MAGEE1: variants seen among roughly 807,000 people sequenced by gnomAD.
The protein encoded by MAGEE1 is MAGE family member E1, also known as melanoma-associated antigen E1.
Under a neutral mutation model 12.0 loss-of-function variants are expected in MAGEE1, and 3 were observed. The observed-to-expected ratio is 0.25, with a 90% CI of 0.11 to 0.65. MAGEE1 has a LOEUF of 0.65. MAGEE1 is among the 30% of genes least tolerant of loss of function. The pLI is 0.84. For synonymous variants in MAGEE1, 414 were observed against 326.1 expected, an observed-to-expected ratio of 1.27 and a Z score of -2.91; for missense variants, 729 against 772.2, an observed-to-expected ratio of 0.94 and a Z score of 0.66.
Position 76,430,432 on chromosome X carries a change from C to A in MAGEE1, c.2502C>A (p.Gly834=). ...TCGTAGACAGTCCAAACAGGCCTGG[C>A]AACAACTTTTTGATGCAGGTCCTAA... ...EEIVDSPNRP[G]NNFLMQVLSF... The change falls in exon 1 of 1, where the codon GGC becomes GGA. Residue 834 remains glycine, a synonymous_variant. Transcript: ENST00000361470. The A allele has an allele frequency of 8.3e-7, 1 of 1,211,104 alleles. No individual in the cohort carries two copies. The highest frequency in any genetic ancestry group is 1.1e-6 in the Non-Finnish European group (1 of 895,303).
Position 76,431,148 on chromosome X carries a change from GA to G in MAGEE1, c.*351del, listed in dbSNP as rs782521981. On this transcript the variant is annotated 3_prime_UTR_variant, in exon 1 of 1. Coordinates refer to ENST00000361470, the MANE Select transcript of MAGEE1 (RefSeq NM_020932.3). ...GATATAGGCTTTTCCTTGAAAGCTT[GA>G]AAAAAATTCGCCAGTAAAATAATCT... 2.8e-3 allele frequency: 485 copies of G among 170,176 alleles called. 1 individual carries two copies. Among genetic ancestry groups the G allele is most frequent in the Non-Finnish European group, 4.0e-3 (335 of 84,771 alleles). 14.0% of individuals were successfully genotyped at this position (170,176 alleles called of 1,213,427 possible).
At position 76,427,989 on chromosome X, in the gene MAGEE1, C is replaced by A. The variant is rs782197127; in HGVS notation, c.59C>A (p.Ala20Glu). 8.8e-5 allele frequency: 106 copies of A among 1,205,510 alleles called. No homozygotes were observed. Among genetic ancestry groups the A allele is most frequent in the Non-Finnish European group, 1.1e-4 (100 of 893,348 alleles). The change falls in exon 1 of 1, where the codon GCG (alanine) becomes GAG (glutamate). Residue 20 changes from alanine to glutamate, a missense_variant. Around this residue, in one of 4 missense-constraint regions of MAGEE1, gnomAD observed 473 missense variants for 423.7 expected, o/e 1.12. Coordinates refer to ENST00000361470, the MANE Select transcript of MAGEE1 (RefSeq NM_020932.3). Reference protein sequence around the residue: ...RRRRRVAKATAHNSSWGEMQA... With the variant: ...RRRRRVAKATEHNSSWGEMQA... ...CGCCGCCGCGTTGCAAAGGCTACTGCGCACAACAGCAGCTGGGGCGAAATG... is the reference window on the plus strand; with the variant it reads ...CGCCGCCGCGTTGCAAAGGCTACTGAGCACAACAGCAGCTGGGGCGAAATG...
rs1160378976 is a variant in MAGEE1 at position 76,428,627 on chromosome X, A to G, written c.697A>G (p.Ser233Gly). 42 of 1,204,999 alleles carry G rather than the reference A, an allele frequency of 3.5e-5. No homozygotes were observed. Among genetic ancestry groups the G allele is most frequent in the Non-Finnish European group, 4.7e-5 (42 of 893,586 alleles). Residue 233 changes from serine (S) to glycine (G), a missense_variant, in exon 1 of 1, where the codon AGC becomes GGC. By Grantham distance (56) the Ser-to-Gly change is moderately conservative. Coordinates refer to ENST00000361470, the MANE Select transcript of MAGEE1 (RefSeq NM_020932.3). ...SVQATPDEGPSTSVPPTATEG... is the reference protein window; with the variant it reads ...SVQATPDEGPGTSVPPTATEG... ...GCAGGCCACTCCTGATGAGGGACCG[A>G]GCACCTCCGTGCCGCCCACCGCCAC...
rs1457153754 is a variant in MAGEE1 at position 76,428,456 on chromosome X, G to A, written c.526G>A (p.Val176Met). Residue 176 changes from valine to methionine, a missense_variant, in exon 1 of 1, where the codon GTG (valine) becomes ATG (methionine). By Grantham distance (21) the Val-to-Met change is conservative (BLOSUM62 1). Around this residue, in one of 4 missense-constraint regions of MAGEE1, gnomAD observed 473 missense variants for 423.7 expected, o/e 1.12. Coordinates refer to ENST00000361470, the MANE Select transcript of MAGEE1 (RefSeq NM_020932.3). ...CCCTGGTGAGGGAACGAGCACCTCC[G>A]TGCCGCCCACAGCCTATGAGGGACC... Reference protein sequence around the residue: ...PTPGEGTSTSVPPTAYEGPST... With the variant: ...PTPGEGTSTSMPPTAYEGPST... 3 of 1,209,637 alleles carry A rather than the reference G, an allele frequency of 2.5e-6. No individual in the cohort carries two copies. The highest frequency in any genetic ancestry group is 3.5e-5 in the African/African-American group (2 of 57,292).
At position 76,427,746 on chromosome X, in the gene MAGEE1, C is replaced by T; in HGVS notation, c.-185C>T. 4.1e-6 allele frequency: 2 copies of T among 491,109 alleles called. No homozygotes were observed. The highest frequency in any genetic ancestry group is 3.5e-5 in the East Asian group (1 of 28,297). 40.5% of individuals were successfully genotyped at this position (491,109 alleles called of 1,213,427 possible). A position where few individuals can be genotyped will look rare whatever the true frequency, so the allele number is the denominator to read the frequency against. On this transcript the variant is annotated 5_prime_UTR_variant, in exon 1 of 1. Transcript: ENST00000361470. ...AGCATTCACTGCTGGCCAGTGCCTG[C>T]CTTTTTCACCACCTCTAATTTCAGC... is the stretch of plus-strand genomic sequence containing the variant.
In MAGEE1 at chrX:76,429,864, A is replaced by G. The variant is rs1223847254; in HGVS notation, c.1934A>G (p.Asp645Gly). 12 of 1,209,830 alleles carry G rather than the reference A, an allele frequency of 9.9e-6. No individual in the cohort carries two copies. Among genetic ancestry groups the G allele is most frequent in the Non-Finnish European group, 1.3e-5 (12 of 895,191 alleles). ...QRYLDYRPVT[D>G]CKPVEYEFFW... The stretch of plus-strand genomic sequence containing the variant: ...TACTTAGACTACAGGCCAGTAACTG[A>G]CTGTAAACCAGTGGAGTATGAGTTT... Residue 645 changes from aspartate (D) to glycine (G), a missense_variant, in exon 1 of 1, where the codon GAC (aspartate) becomes GGC (glycine). Coordinates refer to ENST00000361470, the MANE Select transcript of MAGEE1 (RefSeq NM_020932.3).
rs374268239 is a variant in MAGEE1 at position 76,429,587 on chromosome X, C to A, written c.1657C>A (p.Pro553Thr). The A allele has an allele frequency of 1.7e-6, 2 of 1,209,229 alleles. No homozygotes were observed. Among genetic ancestry groups the A allele is most frequent in the African/African-American group, 3.5e-5 (2 of 56,938 alleles). ...IFRFELRELD[P>T]EAHTYILLNK... is the part of the protein sequence containing the mutation. ...TAGGTTTGAATTGAGAGAACTTGAC[C>A]CTGAGGCACACACCTACATTCTGTT... The change falls in exon 1 of 1, where the codon CCT becomes ACT. Residue 553 changes from proline (P) to threonine (T), a missense_variant. This residue lies in a region of MAGEE1 where 91 missense variants were observed against 133.8 expected (regional missense o/e 0.68). Transcript: ENST00000361470.
Position 76,428,668 on chromosome X carries a change from C to T in MAGEE1, c.738C>T (p.Thr246=). The change falls in exon 1 of 1, where the codon ACC becomes ACT. Residue 246 remains threonine, a synonymous_variant. Transcript: ENST00000361470. The stretch of plus-strand genomic sequence containing the variant: ...CCACCGCCACTGAGGGCCTAAGCAC[C>T]CCCGTGCCACCCACCCGTGATGAGG... ...VPPTATEGLS[T]PVPPTRDEGP... 8.3e-7 allele frequency: 1 copy of T among 1,208,510 alleles called. No individual in the cohort carries two copies. Among genetic ancestry groups the T allele is most frequent in the Non-Finnish European group, 1.1e-6 (1 of 893,930 alleles).
rs782552017 is a variant in MAGEE1, at chrX:76,429,980, C to T, written c.2050C>T (p.Pro684Ser). Reference sequence around the variant, plus strand: ...ATATAACAAAGATCCTATGGATTGGCCAGAGAAATACAACGAAGCTCTGGA... The same window carrying T: ...ATATAACAAAGATCCTATGGATTGGTCAGAGAAATACAACGAAGCTCTGGA... ...KIYNKDPMDW[P>S]EKYNEALEED... is the part of the protein sequence containing the mutation. The change falls in exon 1 of 1, where the codon CCA becomes TCA. Residue 684 changes from proline (P) to serine (S), a missense_variant. Physicochemically the swap from Pro to Ser is moderately conservative, Grantham distance 74. Coordinates refer to ENST00000361470, the MANE Select transcript of MAGEE1 (RefSeq NM_020932.3). 2 of 1,210,445 alleles carry T rather than the reference C, an allele frequency of 1.7e-6. No homozygotes were observed. The highest frequency in any genetic ancestry group is 1.8e-5 in the South Asian group (1 of 56,752).
In MAGEE1 at chrX:76,429,349, T is replaced by A. The variant is rs782208442; in HGVS notation, c.1419T>A (p.Ile473=). ...RDCESPNSIS[I]MGLNTSRVAI... is the part of the protein sequence containing the mutation. ...GTGAGAGCCCCAACTCCATTAGTAT[T>A]ATGGGCCTCAATACTTCCCGGGTTG... is the stretch of plus-strand genomic sequence containing the variant. The change falls in exon 1 of 1, where the codon ATT becomes ATA. Residue 473 remains isoleucine (I), a synonymous_variant. Transcript: ENST00000361470. 1 of 1,211,308 alleles carries A rather than the reference T, an allele frequency of 8.3e-7. No homozygotes were observed. The highest frequency in any genetic ancestry group is 1.1e-6 in the Non-Finnish European group (1 of 895,315).
In MAGEE1 at chrX:76,428,197, C is replaced by T. The variant is rs782711133; in HGVS notation, c.267C>T (p.Ser89=). Reference sequence around the variant, plus strand: ...CGCCCACCATCTCTGAGGCCTCAAGCGCCTCCGGGCAGCCCACCATCTCTG... The same window carrying T: ...CGCCCACCATCTCTGAGGCCTCAAGTGCCTCCGGGCAGCCCACCATCTCTG... ...FVPPTISEAS[S]ASGQPTISEG... The change falls in exon 1 of 1, where the codon AGC becomes AGT. Residue 89 remains serine, a synonymous_variant. Coordinates refer to ENST00000361470, the MANE Select transcript of MAGEE1 (RefSeq NM_020932.3). The T allele has an allele frequency of 8.3e-7, 1 of 1,210,810 alleles. No homozygotes were observed. Among genetic ancestry groups the T allele is most frequent in the Non-Finnish European group, 1.1e-6 (1 of 895,000 alleles).
In MAGEE1 at chrX:76,427,989, C is replaced by T. The variant is rs782197127; in HGVS notation, c.59C>T (p.Ala20Val). 4.1e-6 allele frequency: 5 copies of T among 1,205,510 alleles called. No homozygotes were observed. The highest frequency in any genetic ancestry group is 2.2e-5 in the Admixed American group (1 of 45,380). Residue 20 changes from alanine to valine, a missense_variant, in exon 1 of 1, where the codon GCG becomes GTG. Ala to Val is a moderately conservative substitution (Grantham distance 64, BLOSUM62 0). Transcript: ENST00000361470. ...CGCCGCCGCGTTGCAAAGGCTACTG[C>T]GCACAACAGCAGCTGGGGCGAAATG... Reference protein sequence around the residue: ...RRRRRVAKATAHNSSWGEMQA... With the variant: ...RRRRRVAKATVHNSSWGEMQA...
chrX:76,428,363 T>A lies in MAGEE1; in HGVS notation c.433T>A (p.Ser145Thr), dbSNP rs1556839208. 1.7e-6 allele frequency: 2 copies of A among 1,209,781 alleles called. No individual in the cohort carries two copies. The highest frequency in any genetic ancestry group is 4.4e-5 in the Admixed American group (2 of 45,964). Residue 145 changes from serine (S) to threonine (T), a missense_variant, in exon 1 of 1, where the codon TCT becomes ACT. Physicochemically the swap from Ser to Thr is moderately conservative, Grantham distance 58 (BLOSUM62 1). Transcript: ENST00000361470. Reference sequence around the variant, plus strand: ...GAACACCTCCAGGCCGCCCACTTCCTCTGAGGAACCTAGCACCTCCGTGCC... The same window carrying A: ...GAACACCTCCAGGCCGCCCACTTCCACTGAGGAACCTAGCACCTCCGTGCC... ...GRNTSRPPTS[S>T]EEPSTSVPPT...
Position 76,429,045 on chromosome X carries a change from C to A in MAGEE1, c.1115C>A (p.Ala372Asp). ...EGLSTSVPPT[A>D]SDGSDTSVPP... ...CTGAGCACCTCTGTGCCGCCCACCG[C>A]CTCTGATGGATCGGACACCTCCGTG... Residue 372 changes from alanine to aspartate, a missense_variant, in exon 1 of 1, where the codon GCC becomes GAC. This residue lies in a region of MAGEE1 where 473 missense variants were observed against 423.7 expected (regional missense o/e 1.12). Transcript: ENST00000361470. 3 of 1,211,857 alleles carry A rather than the reference C, an allele frequency of 2.5e-6. No individual in the cohort carries two copies. The South Asian group carries it at 5.3e-5, about 21-fold the overall frequency.
chrX:76,430,033 G>A lies in MAGEE1; in HGVS notation c.2103G>A (p.Glu701=). The A allele has an allele frequency of 8.3e-7, 1 of 1,208,853 alleles. No homozygotes were observed. The highest frequency in any genetic ancestry group is 1.1e-6 in the Non-Finnish European group (1 of 893,846). Residue 701 remains glutamate, a synonymous_variant, in exon 1 of 1, where the codon GAG becomes GAA. Transcript: ENST00000361470. ...AAGATGCTGCCAGAGCCTTTGCTGA[G>A]GGTTGGCAGGCTCTCCCTCACTTTA... is the stretch of plus-strand genomic sequence containing the variant. The part of the protein sequence containing the change: ...LEEDAARAFA[E]GWQALPHFRR...
At position 76,430,755 on chromosome X, in the gene MAGEE1, A is replaced by G. The variant is rs781799258; in HGVS notation, c.2825A>G (p.Asn942Ser). The G allele has an allele frequency of 1.7e-6, 2 of 1,203,405 alleles. No individual in the cohort carries two copies. The highest frequency in any genetic ancestry group is 2.2e-6 in the Non-Finnish European group (2 of 890,631). ...AGGGAGGCAATGGAAGATGAGGCCA[A>G]TAGAGCTGATGTTGGGCACAGGCAA... ...QYREAMEDEANRADVGHRQIF... is the reference protein window; with the variant it reads ...QYREAMEDEASRADVGHRQIF... Residue 942 changes from asparagine (N) to serine (S), a missense_variant, in exon 1 of 1, where the codon AAT (asparagine) becomes AGT (serine). Transcript: ENST00000361470.
rs1923361410 is a variant in MAGEE1 at position 76,430,695 on chromosome X, A to G, written c.2765A>G (p.His922Arg). ...GCCTTGCGATATGTGGCCAGAATCCACAGAAAGGAACCACAGGACTGGCCA... is the reference window on the plus strand; with the variant it reads ...GCCTTGCGATATGTGGCCAGAATCCGCAGAAAGGAACCACAGGACTGGCCA... ...MKALRYVARI[H>R]RKEPQDWPQQ... is the part of the protein sequence containing the mutation. Residue 922 changes from histidine (H) to arginine (R), a missense_variant, in exon 1 of 1, where the codon CAC becomes CGC. Coordinates refer to ENST00000361470, the MANE Select transcript of MAGEE1 (RefSeq NM_020932.3). 1 of 1,209,513 alleles carries G rather than the reference A, an allele frequency of 8.3e-7. No individual in the cohort carries two copies. Among genetic ancestry groups the G allele is most frequent in the Admixed American group, 2.2e-5 (1 of 45,682 alleles).
In MAGEE1 at chrX:76,428,815, C is replaced by G; in HGVS notation, c.885C>G (p.Ser295=). The change falls in exon 1 of 1, where the codon TCC becomes TCG. Residue 295 remains serine, a synonymous_variant. Transcript: ENST00000361470. ...CCCGCGGTAAGGGATCAAGCACCTC[C>G]GTGCCCCCCACCGCCACCGAGGGCC... The part of the protein sequence containing the change: ...VPTRGKGSST[S]VPPTATEGLS... The G allele has an allele frequency of 1.7e-6, 2 of 1,209,801 alleles. No individual in the cohort carries two copies. Among genetic ancestry groups the G allele is most frequent in the Non-Finnish European group, 2.2e-6 (2 of 894,771 alleles).
chrX:76,429,957 A>G lies in MAGEE1; in HGVS notation c.2027A>G (p.Tyr676Cys), dbSNP rs201692321. 1.1e-5 allele frequency: 13 copies of G among 1,211,144 alleles called. No homozygotes were observed. The highest frequency in any genetic ancestry group is 1.3e-5 in the Non-Finnish European group (12 of 895,329). The change falls in exon 1 of 1, where the codon TAT (tyrosine) becomes TGT (cysteine). Residue 676 changes from tyrosine (Y) to cysteine (C), a missense_variant. Coordinates refer to ENST00000361470, the MANE Select transcript of MAGEE1 (RefSeq NM_020932.3). The part of the protein sequence containing the change: ...MKILKFMAKI[Y>C]NKDPMDWPEK... The stretch of plus-strand genomic sequence containing the variant: ...ATTCTGAAGTTCATGGCGAAAATAT[A>G]TAACAAAGATCCTATGGATTGGCCA...
Sources: allele counts gnomAD v4.1 joint callset, GRCh38; gene constraint gnomAD v4.1.1; regional missense constraint gnomAD v4.1.1; transcripts MANE v1.5; gene names NCBI Gene and HGNC (gene_info 2026-07-23, HGNC 2026-07-21).